RNF144A: variants seen among roughly 807,000 people sequenced by gnomAD.
RNF144A encodes the protein E3 ubiquitin-protein ligase RNF144A.
A neutral mutation model predicts 38.7 loss-of-function variants in RNF144A; 11 were observed. The ratio of observed to expected loss-of-function variants is 0.28; its 90% confidence interval spans 0.18 to 0.47. RNF144A has a LOEUF of 0.47. Among genes scored for constraint, RNF144A ranks in the 20% least tolerant of loss-of-function variants. The pLI is 0.99. For synonymous variants in RNF144A, 149 were observed against 143.9 expected (o/e 1.04, Z -0.25); for missense variants, 316 against 377.2 (o/e 0.84, Z 1.34).
chr2:7,044,708 T>G (rs777558660), downstream of RNF144A, among the ~76,000 whole-genome samples: 20 of 152,234 alleles, frequency 1.3e-4, no homozygotes, highest in Admixed American at 3.9e-4. Context: ...ACCTTGATTT[T>G]CATTCACCTC....
At chr2:7,073,526 G>C in the RNF144A span, among the ~76,000 whole-genome samples, 1 of 152,216 alleles carries the variant, frequency 6.6e-6, no homozygotes, top group East Asian at 1.9e-4. Flanking sequence ...CATTTTTTAA[G>C]TTAACTCAAA....
downstream of RNF144A, among the ~76,000 whole-genome samples, chr2:7,073,035 A>C (rs55934623): frequency 0.22 from 33,900 of 151,842 alleles, 4,371 homozygotes; most frequent in East Asian, 0.48. Context: ...TTGGAACTCT[A>C]CACCACTTCT....
chr2:6,950,789 C>T (rs149266054), intron 2 of RNF144A, among the ~76,000 whole-genome samples: 1,755 of 152,278 alleles, frequency 0.012, 14 homozygotes, highest in Middle Eastern at 0.024. Flanking sequence ...GCTACTTTCC[C>T]CATGTTTAAT....
chr2:6,989,593 A>G (rs566977953), intron 2 of RNF144A, among the ~76,000 whole-genome samples: 47 of 152,170 alleles, frequency 3.1e-4, no homozygotes, highest in African/African-American at 1.1e-3. Flanking sequence ...GACCTCCTCA[A>G]TGATTTTTTT....
intron 2 of RNF144A, among the ~76,000 whole-genome samples, chr2:6,983,623 C>G (rs898230988): frequency 9.2e-5 from 14 of 152,178 alleles, no homozygotes; most frequent in African/African-American, 3.4e-4. Context: ...CTCACCCACT[C>G]TCCTGGAGGA....
rs1327891539 is a variant in RNF144A, at chr2:6,917,553, G to C, written c.-281G>C. The C allele has an allele frequency of 4.1e-5, 6 of 148,022 alleles. No individual in the cohort carries two copies. Among genetic ancestry groups the C allele is most frequent in the East Asian group, 3.9e-4 (2 of 5,074 alleles). 9.2% of individuals were successfully genotyped at this position (148,022 alleles called of 1,614,324 possible). ...GGGAGGCGCGGGCGGCAAACTGCGG[G>C]CACCCGGCACCCCGCAGCCAGTACC... On this transcript the variant is annotated 5_prime_UTR_variant, in exon 1 of 9. Transcript: ENST00000320892. The surrounding 1 kb of genome is among the most constrained non-coding windows in gnomAD (Gnocchi z 4.8).
intron 1 of RNF144A, among the ~76,000 whole-genome samples, chr2:6,921,902 C>T (rs993505364): frequency 4.6e-5 from 7 of 152,168 alleles, no homozygotes; most frequent in Non-Finnish European, 7.3e-5. Flanking sequence ...GAACTTAGGA[C>T]CAGCACACAG....
intron 3 of RNF144A, among the ~76,000 whole-genome samples, chr2:7,006,264 G>C (rs1653640279): frequency 6.6e-6 from 1 of 152,096 alleles, no homozygotes; most frequent in Non-Finnish European, 1.5e-5. Flanking sequence ...TTTCTAACTT[G>C]ATGTGTATTT....
intron 2 of RNF144A, among the ~76,000 whole-genome samples, chr2:6,961,122 A>G (rs771317): frequency 0.23 from 35,609 of 151,974 alleles, 6,481 homozygotes; most frequent in African/African-American, 0.49. Context: ...TCTTTAAAAC[A>G]TAATAATTTA....
At chr2:6,969,189 T>G (rs1468872102) in intron 2 of RNF144A, among the ~76,000 whole-genome samples, 1 of 152,200 alleles carries the variant, frequency 6.6e-6, no homozygotes, top group African/African-American at 2.4e-5. Context: ...TGTTATAGGC[T>G]TAACTGTATC....
intron 6 of RNF144A, among the ~76,000 whole-genome samples, chr2:7,062,290 C>G (rs571302703): frequency 6.6e-6 from 1 of 152,222 alleles, no homozygotes; most frequent in South Asian, 2.1e-4. Flanking sequence ...AAACTTACAT[C>G]TTAATTCTGC....
chr2:7,071,666 C>T (rs1674489768), downstream of RNF144A, among the ~76,000 whole-genome samples: 1 of 152,210 alleles, frequency 6.6e-6, no homozygotes, highest in Admixed American at 6.5e-5. Flanking sequence ...CTACACTGTG[C>T]TTCTTAAGGT....
At chr2:6,949,717 A>G (rs1395132628) in intron 2 of RNF144A, among the ~76,000 whole-genome samples, 3 of 152,138 alleles carry the variant, frequency 2.0e-5, no homozygotes, top group Non-Finnish European at 2.9e-5. Context: ...TGACAAATCA[A>G]CATTGGATTT....
intron 1 of RNF144A, among the ~76,000 whole-genome samples, chr2:6,923,698 T>C (rs1166704935): frequency 6.6e-6 from 1 of 152,090 alleles, no homozygotes; most frequent in Non-Finnish European, 1.5e-5. Flanking sequence ...GAGTTAAAGC[T>C]CCAGGGTCCA....
intron 6 of RNF144A, among the ~76,000 whole-genome samples, chr2:7,021,862 A>T (rs1671554206): frequency 6.6e-6 from 1 of 152,236 alleles, no homozygotes. Flanking sequence ...CTTTAGATGG[A>T]GGCTGGTGAG....
rs1192560640 is a variant in RNF144A, at chr2:6,941,020, A to T, written c.-139A>T. ...TCTGCAGGGAGCCCTGGTGCCAGAG[A>T]CCTTCTCCCATTTCTCCCTATGGGT... is the stretch of plus-strand genomic sequence containing the variant. On this transcript the variant is annotated 5_prime_UTR_variant, in exon 2 of 9. Coordinates refer to ENST00000320892, the MANE Select transcript of RNF144A (RefSeq NM_014746.6). The surrounding 1 kb of genome is among the most constrained non-coding windows in gnomAD (Gnocchi z 6.5). 6.6e-6 allele frequency: 1 copy of T among 152,248 alleles called. No individual in the cohort carries two copies. Among genetic ancestry groups the T allele is most frequent in the African/African-American group, 2.4e-5 (1 of 41,396 alleles). The allele number at this position is 152,248 out of a possible 1,614,324, so 9.4% of individuals were successfully genotyped here.
intron 6 of RNF144A, among the ~76,000 whole-genome samples, chr2:7,050,071 G>A (rs1673457030): frequency 6.6e-6 from 1 of 152,216 alleles, no homozygotes; most frequent in Non-Finnish European, 1.5e-5. Context: ...AGAACTGTTT[G>A]CCTTTCCCAG....
At chr2:6,970,774 C>T (rs1019583540) in intron 2 of RNF144A, among the ~76,000 whole-genome samples, 5 of 152,184 alleles carry the variant, frequency 3.3e-5, no homozygotes, top group Admixed American at 3.3e-4. Flanking sequence ...GTGACTTGCA[C>T]CTGCTTTCTG....
In RNF144A at chr2:7,024,453, C is replaced by T. The variant is rs184927662; in HGVS notation, c.594C>T (p.Cys198=). 44 of 1,612,830 alleles carry T rather than the reference C, an allele frequency of 2.7e-5. No homozygotes were observed. Among genetic ancestry groups the T allele is most frequent in the African/African-American group, 8.0e-5 (6 of 75,060 alleles). Residue 198 remains cysteine, a synonymous_variant, in exon 7 of 9, where the codon TGC becomes TGT. Coordinates refer to ENST00000320892, the MANE Select transcript of RNF144A (RefSeq NM_014746.6). ...TCTACATCGAGCGAGACGAAGGCTG[C>T]GCGCAGATGATGTGCAAGAACTGCA... The part of the protein sequence containing the change: ...CKVYIERDEG[C]AQMMCKNCKH...
Sources: gnomAD v4.1 joint callset for allele counts (sites outside exome capture counted in the v4.1 genomes callset) on GRCh38, gnomAD v4.1.1 for gene constraint, Gnocchi (gnomAD v3.1) non-coding constraint, MANE v1.5 for transcripts, NCBI Gene and HGNC (gene_info 2026-07-23, HGNC 2026-07-21) for gene names.